Variants in ADGRD1 observed in about 807,000 individuals in gnomAD.
ADGRD1 encodes the protein adhesion G protein-coupled receptor D1, also known as G-protein coupled receptor 133.
In ADGRD1, 77 loss-of-function variants were observed where a neutral mutation model predicts 113.4. The ratio of observed to expected loss-of-function variants is 0.68; its 90% confidence interval spans 0.57 to 0.82. ADGRD1 has a LOEUF of 0.82. Ranked by LOEUF, ADGRD1 falls within the 40% of genes least tolerant of loss-of-function variation. ADGRD1 has a pLI of 0.00. For synonymous variants in ADGRD1, 474 were observed against 475.0 expected (o/e 1.00, Z 0.03); for missense variants, 1,036 against 1,139.1 (o/e 0.91, Z 1.30).
intron 2 of ADGRD1, chr12:130,962,334 ACT>A (rs577209376): frequency 7.2e-5 from 11 of 152,184 alleles, no homozygotes; most frequent in African/African-American, 2.4e-4. Flanking sequence ...CCATCACTTT[ACT>A]CTGTCAGCCT....
At chr12:130,991,286 C>T in intron 7 of ADGRD1, 1 of 486,994 alleles carries the variant, frequency 2.1e-6, no homozygotes, top group Non-Finnish European at 3.6e-6. Context: ...CAACTCCTGC[C>T]ACCAGGAACC....
Position 131,041,878 on chromosome 12 carries a change from G to A in ADGRD1, c.1473+27538G>A, listed in dbSNP as rs2136988004. ...CTGGGTTATTTTTCTAGATGCCACT[G>A]CTGACATTGACATGACCTAGGGTTC... On this transcript the variant is annotated intron_variant, in intron 13 of 24. Coordinates refer to ENST00000261654, the MANE Select transcript of ADGRD1 (RefSeq NM_198827.5). The surrounding 1 kb of genome is among the most constrained non-coding windows in gnomAD (Gnocchi z 4.4). Among the ~76,000 whole-genome samples the A allele has an allele frequency of 6.6e-6, 1 of 152,310 alleles. No individual in the cohort carries two copies. Among genetic ancestry groups the A allele is most frequent in the East Asian group, 1.9e-4 (1 of 5,178 alleles).
chr12:131,118,253 G>A (rs1265891826), intron 18 of ADGRD1, 132 bp from the exon 19 acceptor site: 15 of 658,396 alleles, frequency 2.3e-5, no homozygotes, highest in Non-Finnish European at 4.0e-5. Flanking sequence ...CCAACAATTA[G>A]CACATAGTTC....
chr12:131,048,981 GA>G (rs1883118158), intron 13 of ADGRD1, among the ~76,000 whole-genome samples: 1 of 151,368 alleles, frequency 6.6e-6, no homozygotes, highest in African/African-American at 2.4e-5. Context: ...TAAGGGATGG[GA>G]GAGAGAGAGA....
At chr12:131,097,046 G>T (rs565706188) in intron 15 of ADGRD1, among the ~76,000 whole-genome samples, 1 of 152,254 alleles carries the variant, frequency 6.6e-6, no homozygotes, top group South Asian at 2.1e-4. Context: ...TGGCTTCCAC[G>T]GGGGGATTTG....
intron 14 of ADGRD1, among the ~76,000 whole-genome samples, chr12:131,078,263 G>A (rs937472330): frequency 2.6e-5 from 4 of 152,240 alleles, no homozygotes; most frequent in South Asian, 2.1e-4. Context: ...TGAACAGCGA[G>A]GAAAGTGCAG....
intron 15 of ADGRD1, among the ~76,000 whole-genome samples, chr12:131,091,523 A>G (rs887333350): frequency 2.6e-5 from 4 of 152,230 alleles, no homozygotes; most frequent in African/African-American, 9.6e-5. Context: ...CCAAGGTAAC[A>G]TTGTGTGAAA....
chr12:130,971,385 G>C lies in ADGRD1; in HGVS notation c.188-73G>C. 1 of 1,257,252 alleles carries C rather than the reference G, an allele frequency of 8.0e-7. No homozygotes were observed. The highest frequency in any genetic ancestry group is 1.1e-6 in the Non-Finnish European group (1 of 882,100). The allele number at this position is 1,257,252 out of a possible 1,614,324, so 77.9% of individuals were successfully genotyped here. ...ATACTTACACATAAGTTATTTGTAG[G>C]TCTGACACACATCTTCAGACTTTTA... is the stretch of plus-strand genomic sequence containing the variant. On this transcript the variant is annotated intron_variant, in intron 3 of 24. Transcript: ENST00000261654. This position sits in a 1 kb window ranked among gnomAD's most constrained non-coding sequence, Gnocchi z 4.2.
chr12:130,972,538 G>A (rs929311678), intron 4 of ADGRD1, among the ~76,000 whole-genome samples: 18 of 152,190 alleles, frequency 1.2e-4, no homozygotes, highest in African/African-American at 3.4e-4. Context: ...CCAAAACCAC[G>A]GTCAGGTTTA....
At chr12:131,006,129 C>T in intron 12 of ADGRD1, 82 bp downstream of exon 12, 1 of 1,114,682 alleles carries the variant, frequency 9.0e-7, no homozygotes, top group Non-Finnish European at 1.4e-6. Context: ...GCCCGCCCCA[C>T]ACGCACAACA....
intron 18 of ADGRD1, among the ~76,000 whole-genome samples, chr12:131,117,539 T>G (rs575433994): frequency 2.0e-5 from 3 of 151,698 alleles, no homozygotes; most frequent in Admixed American, 1.3e-4. Flanking sequence ...GAAAAGAGAG[T>G]TTCTTCTCAG....
intron 8 of ADGRD1, among the ~76,000 whole-genome samples, chr12:130,998,722 C>T (rs1262445602): frequency 6.6e-6 from 1 of 152,162 alleles, no homozygotes; most frequent in Non-Finnish European, 1.5e-5. Context: ...GTCTCAGCCT[C>T]CCAAAGTGCT....
intron 14 of ADGRD1, among the ~76,000 whole-genome samples, chr12:131,081,359 G>A (rs1886059302): frequency 6.6e-6 from 1 of 152,042 alleles, no homozygotes; most frequent in Non-Finnish European, 1.5e-5. Flanking sequence ...TTAAAATGTT[G>A]TCTTTTTCTG....
At chr12:131,036,258 G>T (rs1881360320) in intron 13 of ADGRD1, among the ~76,000 whole-genome samples, 1 of 151,866 alleles carries the variant, frequency 6.6e-6, no homozygotes, top group African/African-American at 2.4e-5. Flanking sequence ...ACTGCAGTGA[G>T]TCTCACTCAC....
At chr12:130,994,483 A>G (rs1051003438) in intron 8 of ADGRD1, among the ~76,000 whole-genome samples, 7 of 152,170 alleles carry the variant, frequency 4.6e-5, no homozygotes, top group African/African-American at 1.7e-4. Context: ...TCGGCGCTCA[A>G]TAAACACCCA....
rs1218127474 is a variant in ADGRD1 at position 130,982,135 on chromosome 12, AAGCCCAACGC to A, written c.490+80_490+89del. 2.9e-6 allele frequency: 4 copies of A among 1,363,264 alleles called. No individual in the cohort carries two copies. In the African/African-American group the frequency reaches 5.8e-5, roughly 20 times the overall value. The allele number at this position is 1,363,264 out of a possible 1,614,324, so 84.4% of individuals were successfully genotyped here. ...GTCTTCTCTGAGAATGGACGCTGAGAAGCCCAACGCAGCCCAAGGAGCCCAGGGATGCTGC... is the reference window on the plus strand; with the variant it reads ...GTCTTCTCTGAGAATGGACGCTGAGAAGCCCAAGGAGCCCAGGGATGCTGC... On this transcript the variant is annotated intron_variant, in intron 5 of 24. Coordinates refer to ENST00000261654, the MANE Select transcript of ADGRD1 (RefSeq NM_198827.5).
intron 14 of ADGRD1, among the ~76,000 whole-genome samples, chr12:131,082,693 T>C (rs560754275): frequency 2.8e-4 from 42 of 152,200 alleles, no homozygotes; most frequent in African/African-American, 1.0e-3. Flanking sequence ...CTGGGAAAAT[T>C]AGATCAAAAG....
At position 131,113,879 on chromosome 12, in the gene ADGRD1, C is replaced by G. The variant is rs1333720790; in HGVS notation, c.2042-4506C>G. ...GGAGAGCTGCTCCTTCTGATGATAT[C>G]TGACCTCATCAGGGAGGATTTAGAG... On this transcript the variant is annotated intron_variant, in intron 18 of 24. Transcript: ENST00000261654. This position sits in a 1 kb window ranked among gnomAD's most constrained non-coding sequence, Gnocchi z 4.9. 6.6e-6 allele frequency among the ~76,000 whole-genome samples: 1 copy of G among 152,230 alleles called. No individual in the cohort carries two copies. The highest frequency in any genetic ancestry group is 1.5e-5 in the Non-Finnish European group (1 of 68,044).
chr12:131,112,582 T>C (rs1219703384), intron 18 of ADGRD1, among the ~76,000 whole-genome samples: 1 of 152,200 alleles, frequency 6.6e-6, no homozygotes, highest in Non-Finnish European at 1.5e-5. Context: ...CTCCGTTCTT[T>C]CCCAGACTAC....
Sources: allele counts gnomAD v4.1 joint callset (sites outside exome capture counted in the v4.1 genomes callset), GRCh38; gene constraint gnomAD v4.1.1; non-coding constraint Gnocchi (gnomAD v3.1); transcripts MANE v1.5; gene names NCBI Gene and HGNC (gene_info 2026-07-23, HGNC 2026-07-21).